VPS37A: variants seen among roughly 807,000 people sequenced by gnomAD.
The protein encoded by VPS37A is vacuolar protein sorting-associated protein 37A.
Under a neutral mutation model 49.8 loss-of-function variants are expected in VPS37A, and 30 were observed. That is an observed-to-expected ratio of 0.60 (90% CI 0.45 to 0.82). The LOEUF is 0.82. Among genes scored for constraint, VPS37A ranks in the 40% least tolerant of loss-of-function variants. The pLI, the probability that VPS37A is intolerant of heterozygous loss-of-function variation, is 0.00. For missense variants in VPS37A, 593 were observed against 464.4 expected (o/e 1.28, Z -2.55); for synonymous variants, 195 against 160.6 (o/e 1.21, Z -1.62).
chr8:17,323,222 C>A, the VPS37A span, among the ~76,000 whole-genome samples: 1 of 151,990 alleles, frequency 6.6e-6, no homozygotes, highest in African/African-American at 2.4e-5. Context: ...GCTGAGATTA[C>A]AGGTATGAGC....
At chr8:17,247,526 C>A in intron 1 of VPS37A, 157 bp downstream of exon 1, 1 of 1,047,646 alleles carries the variant, frequency 9.5e-7, no homozygotes, top group Non-Finnish European at 1.4e-6. Context: ...CCACTCCTGC[C>A]CCCTTTTACT....
chr8:17,281,456 C>G (rs575681148), intron 9 of VPS37A, among the ~76,000 whole-genome samples: 1 of 152,110 alleles, frequency 6.6e-6, no homozygotes, highest in Admixed American at 6.5e-5. Context: ...TAGTACTCAA[C>G]ATCATTCTTT....
intron 1 of VPS37A, chr8:17,265,706 T>C (rs1813385598): frequency 1.4e-6 from 2 of 1,420,126 alleles, no homozygotes; most frequent in African/African-American, 2.8e-5. Context: ...CTGGATAGTT[T>C]AGAATGTTAC....
At chr8:17,268,452 TGC>T in intron 3 of VPS37A, 80 bp downstream of exon 3, 2 of 1,096,770 alleles carry the variant, frequency 1.8e-6, no homozygotes, top group Non-Finnish European at 2.6e-6. Flanking sequence ...AAATCTGAAA[TGC>T]ATTTAAAGTT....
intron 1 of VPS37A, chr8:17,248,305 C>T (rs1351043371): frequency 2.2e-6 from 1 of 446,576 alleles, no homozygotes; most frequent in East Asian, 7.1e-5. Context: ...TCTCCTGTTG[C>T]CCAGGCTGGA....
At chr8:17,327,054 T>C in the VPS37A span, among the ~76,000 whole-genome samples, 1 of 152,204 alleles carries the variant, frequency 6.6e-6, no homozygotes, top group Non-Finnish European at 1.5e-5. Context: ...AATAAGAATA[T>C]GCAAGCAATT....
downstream of VPS37A, chr8:17,300,386 A>C (rs1264532751): frequency 1.4e-6 from 1 of 715,886 alleles, no homozygotes; most frequent in African/African-American, 1.8e-5. Flanking sequence ...ACCTTGGACA[A>C]AATCTGTGAG....
At chr8:17,287,734 T>C (rs1031702736) in intron 11 of VPS37A, among the ~76,000 whole-genome samples, 1 of 152,084 alleles carries the variant, frequency 6.6e-6, no homozygotes, top group Non-Finnish European at 1.5e-5. Context: ...GATTATATCA[T>C]CTGACAGTTC....
At chr8:17,248,878 C>T in intron 1 of VPS37A, among the ~76,000 whole-genome samples, 1 of 152,072 alleles carries the variant, frequency 6.6e-6, no homozygotes, top group East Asian at 1.9e-4. Context: ...AAATTAAGTT[C>T]GCAAAGTTCT....
At chr8:17,287,114 A>G (rs527455198) in intron 11 of VPS37A, among the ~76,000 whole-genome samples, 16 of 152,226 alleles carry the variant, frequency 1.1e-4, no homozygotes, top group African/African-American at 3.4e-4. Flanking sequence ...CCGTGCTTGT[A>G]CCTGATGTTA....
the VPS37A span, among the ~76,000 whole-genome samples, chr8:17,310,884 G>C: frequency 6.6e-6 from 1 of 151,980 alleles, no homozygotes; most frequent in African/African-American, 2.4e-5. Flanking sequence ...TACCAGATTA[G>C]TGAAAACTTC....
At chr8:17,272,560 T>G (rs1174585333) in intron 4 of VPS37A, among the ~76,000 whole-genome samples, 1 of 152,178 alleles carries the variant, frequency 6.6e-6, no homozygotes, top group African/African-American at 2.4e-5. Flanking sequence ...TTTCTTAGAT[T>G]ATTTTGTGGG....
intron 10 of VPS37A, 147 bp downstream of exon 10, chr8:17,284,763 C>G (rs1647534109): frequency 2.8e-6 from 3 of 1,079,896 alleles, no homozygotes; most frequent in Non-Finnish European, 2.5e-6. Flanking sequence ...AGGAAGGTTT[C>G]TATTCCTTGG....
chr8:17,304,648 A>C (rs1308982543), downstream of VPS37A: 14 of 890,882 alleles, frequency 1.6e-5, no homozygotes, highest in Non-Finnish European at 2.2e-5. Flanking sequence ...GATAGCAGGT[A>C]AATGTATCAT....
At chr8:17,331,020 C>T in the VPS37A span, 2 of 1,123,588 alleles carry the variant, frequency 1.8e-6, no homozygotes, top group Non-Finnish European at 2.5e-6. Flanking sequence ...TAAAAAGCCA[C>T]TGTAACATGA....
the VPS37A span, chr8:17,311,394 G>C: frequency 1.5e-6 from 2 of 1,333,976 alleles, no homozygotes; most frequent in African/African-American, 2.9e-5. Flanking sequence ...ATCTTGCTGA[G>C]CTACTAAAAG....
At chr8:17,311,346 T>C in the VPS37A span, among the ~76,000 whole-genome samples, 101 of 152,324 alleles carry the variant, frequency 6.6e-4, 1 homozygote, top group East Asian at 0.017. Context: ...TCCCCTTTAA[T>C]CTTGCTGATT....
At chr8:17,262,546 G>T (rs547741059) in intron 1 of VPS37A, among the ~76,000 whole-genome samples, 1 of 151,202 alleles carries the variant, frequency 6.6e-6, no homozygotes, top group African/African-American at 2.4e-5. Context: ...TTTCTCTTGT[G>T]GTGTGATTAA....
At chr8:17,305,098 C>A (rs1817366627), downstream of VPS37A, among the ~76,000 whole-genome samples, 1 of 152,186 alleles carries the variant, frequency 6.6e-6, no homozygotes, top group African/African-American at 2.4e-5. Flanking sequence ...CACACTTGAG[C>A]TTCCTTAGAG....
Sources: gnomAD v4.1 joint callset for allele counts (sites outside exome capture counted in the v4.1 genomes callset) on GRCh38, gnomAD v4.1.1 for gene constraint, MANE v1.5 for transcripts, NCBI Gene and HGNC (gene_info 2026-07-23, HGNC 2026-07-21) for gene names.